Variants in PCDH15 observed in about 807,000 individuals in gnomAD.
PCDH15 encodes protocadherin related 15.
In PCDH15, 129 loss-of-function variants were observed where a neutral mutation model predicts 178.5. The observed-to-expected ratio is 0.72, with a 90% CI of 0.63 to 0.84. The LOEUF (loss-of-function observed/expected upper bound fraction) is 0.84, where lower values mean the gene tolerates loss of function less well. Ranked by LOEUF, PCDH15 falls within the 40% of genes least tolerant of loss-of-function variation. PCDH15 has a pLI of 0.00. For synonymous variants in PCDH15, 800 were observed against 732.0 expected, an observed-to-expected ratio of 1.09 and a Z score of -1.50; for missense variants, 2,230 against 2,099.9, an observed-to-expected ratio of 1.06 and a Z score of -1.21.
intron 8 of PCDH15, among the ~76,000 whole-genome samples, chr10:54,309,556 G>A (rs990541239): frequency 3.9e-5 from 6 of 152,092 alleles, no homozygotes; most frequent in Admixed American, 6.6e-5. Flanking sequence ...AACTTTGGGA[G>A]GCCAAGGCAG....
At chr10:54,258,783 G>A (rs977936596) in intron 8 of PCDH15, among the ~76,000 whole-genome samples, 29 of 151,838 alleles carry the variant, frequency 1.9e-4, no homozygotes, top group African/African-American at 6.8e-4. Flanking sequence ...TGTAATCATC[G>A]TATTTCTCCA....
At chr10:54,252,132 C>T (rs1002646575) in intron 8 of PCDH15, among the ~76,000 whole-genome samples, 4 of 152,134 alleles carry the variant, frequency 2.6e-5, no homozygotes, top group Non-Finnish European at 5.9e-5. Context: ...CTCCTTTATC[C>T]CTGTCTACAT....
intron 15 of PCDH15, among the ~76,000 whole-genome samples, chr10:54,115,826 T>G (rs1426633129): frequency 6.6e-6 from 1 of 152,186 alleles, no homozygotes. Flanking sequence ...AAGATGTTTC[T>G]TTAGTAACCA....
At chr10:53,994,380 CAG>C (rs1262968600) in intron 21 of PCDH15, among the ~76,000 whole-genome samples, 4 of 150,010 alleles carry the variant, frequency 2.7e-5, no homozygotes, top group Non-Finnish European at 1.5e-5. Context: ...TCATTTATTA[CAG>C]AGTGTTATGG....
intron 13 of PCDH15, among the ~76,000 whole-genome samples, chr10:54,168,986 G>A (rs979224751): frequency 3.0e-4 from 45 of 152,178 alleles, no homozygotes; most frequent in East Asian, 1.7e-3. Flanking sequence ...GAACCGCAGC[G>A]GCCAGGCGTT....
chr10:55,046,502 C>A (rs547637950), intron 2 of PCDH15, among the ~76,000 whole-genome samples: 1 of 151,966 alleles, frequency 6.6e-6, no homozygotes, highest in Admixed American at 6.6e-5. Context: ...AGGGACTCAA[C>A]CCTAATTTTG....
intron 21 of PCDH15, among the ~76,000 whole-genome samples, chr10:53,969,011 G>A (rs187023061): frequency 1.4e-3 from 209 of 152,278 alleles, no homozygotes; most frequent in African/African-American, 4.8e-3. Context: ...ATGACTTTGA[G>A]GAGTTGAGAG....
At chr10:54,119,926 C>T (rs11498088) in intron 15 of PCDH15, among the ~76,000 whole-genome samples, 4,443 of 152,134 alleles carry the variant, frequency 0.029, 233 homozygotes, top group African/African-American at 0.1. Context: ...TCCCCTAGCT[C>T]CCCACTCCCT....
rs7074412 is a variant in PCDH15, at chr10:55,163,048, C to T, written c.-80+3528G>A. On this transcript the variant is annotated intron_variant, in intron 2 of 5. Transcript: ENST00000458638. Reference sequence around the variant, plus strand: ...GCCAGGGACTATTCTGTGGCTCCAACTCAGAAGCACACTCAGTCCAGAAGG... The same window carrying T: ...GCCAGGGACTATTCTGTGGCTCCAATTCAGAAGCACACTCAGTCCAGAAGG... Among the ~76,000 whole-genome samples the T allele has an allele frequency of 5.6e-4, 85 of 152,218 alleles. No homozygotes were observed. The South Asian group carries it at 8.5e-3, about 15-fold the overall frequency.
chr10:55,567,018 G>A (rs948472822), intron 2 of PCDH15, among the ~76,000 whole-genome samples: 3 of 152,030 alleles, frequency 2.0e-5, no homozygotes, highest in African/African-American at 7.2e-5. Context: ...TCAGACTCCT[G>A]ATTTCCAAAC....
intron 26 of PCDH15, among the ~76,000 whole-genome samples, chr10:53,882,032 C>T (rs1056053058): frequency 3.4e-5 from 5 of 148,820 alleles, no homozygotes; most frequent in Non-Finnish European, 7.4e-5. Flanking sequence ...TTCTGTTGCC[C>T]AGGCTAGAGT....
intron 2 of PCDH15, among the ~76,000 whole-genome samples, chr10:55,009,861 T>C (rs544589371): frequency 1.3e-5 from 2 of 152,314 alleles, no homozygotes; most frequent in Non-Finnish European, 2.9e-5. Flanking sequence ...GGTATCTGTT[T>C]CTCAGAACTG....
At chr10:55,617,657 G>T (rs1307333705) in intron 2 of PCDH15, among the ~76,000 whole-genome samples, 1 of 151,942 alleles carries the variant, frequency 6.6e-6, no homozygotes, top group Non-Finnish European at 1.5e-5. Context: ...TTATCTTAGA[G>T]TGAAATCACC....
intron 3 of PCDH15, among the ~76,000 whole-genome samples, chr10:54,493,623 A>T (rs2079819307): frequency 6.6e-6 from 1 of 151,996 alleles, no homozygotes; most frequent in Admixed American, 6.6e-5. Flanking sequence ...AATGAAGGTT[A>T]AGAAACTCCC....
At chr10:54,030,371 C>A (rs1030595651) in intron 18 of PCDH15, among the ~76,000 whole-genome samples, 12 of 143,084 alleles carry the variant, frequency 8.4e-5, no homozygotes, top group Admixed American at 2.8e-4. Flanking sequence ...CAATAGTTGT[C>A]TTTTTTTTTT....
At chr10:55,191,947 T>TA (rs910932312) in intron 1 of PCDH15, among the ~76,000 whole-genome samples, 1 of 151,748 alleles carries the variant, frequency 6.6e-6, no homozygotes, top group South Asian at 2.1e-4. Context: ...TCTGAACTGC[T>TA]AAAAAAAATT....
At chr10:54,146,860 G>C (rs1285136541) in intron 14 of PCDH15, among the ~76,000 whole-genome samples, 2 of 144,038 alleles carry the variant, frequency 1.4e-5, no homozygotes, top group Admixed American at 7.1e-5. Context: ...GGGTCGATCT[G>C]TAAAAAAAAT....
At position 54,072,618 on chromosome 10, in the gene PCDH15, T is replaced by C. The variant is rs543019526; in HGVS notation, c.2092-5733A>G. On this transcript the variant is annotated intron_variant, in intron 17 of 37. Transcript: ENST00000644397. ...CTGCCACTTTGGACCCCTCCTTAAG[T>C]GAAGAGGCACTGGAGAAACATTTTG... 2.6e-5 allele frequency among the ~76,000 whole-genome samples: 4 copies of C among 152,230 alleles called. No individual in the cohort carries two copies. In the South Asian group the frequency reaches 6.2e-4, roughly 24 times the overall value.
At chr10:54,247,898 A>C (rs1021423341) in intron 8 of PCDH15, among the ~76,000 whole-genome samples, 1 of 149,252 alleles carries the variant, frequency 6.7e-6, no homozygotes, top group Non-Finnish European at 1.5e-5. Flanking sequence ...ATATATATAT[A>C]TCTACATTGC....
Sources: allele counts gnomAD v4.1 joint callset (sites outside exome capture counted in the v4.1 genomes callset), GRCh38; gene constraint gnomAD v4.1.1; transcripts MANE v1.5; gene names NCBI Gene and HGNC (gene_info 2026-07-23, HGNC 2026-07-21).